Variants in AKAP19 observed in about 807,000 individuals in gnomAD.
AKAP19 encodes A-kinase anchoring protein 19, also known as small A-kinase anchoring protein.
chr2:189,967,017 G>A, the AKAP19 span, among the ~76,000 whole-genome samples: 3 of 152,190 alleles, frequency 2.0e-5, no homozygotes, highest in Admixed American at 6.6e-5. Context: ...AGTAATAGAA[G>A]TACCGATACA....
At chr2:189,966,118 A>G in the AKAP19 span, among the ~76,000 whole-genome samples, 2 of 151,810 alleles carry the variant, frequency 1.3e-5, no homozygotes, top group East Asian at 3.9e-4. Context: ...GTTCTTACTC[A>G]TACGTGGGAG....
chr2:189,892,347 T>A, the AKAP19 span, among the ~76,000 whole-genome samples: 1 of 152,040 alleles, frequency 6.6e-6, no homozygotes, highest in Non-Finnish European at 1.5e-5. Context: ...CTTTTTGCAC[T>A]GGGTTTTTCT....
the AKAP19 span, among the ~76,000 whole-genome samples, chr2:189,883,604 A>G: frequency 1.3e-5 from 2 of 149,612 alleles, no homozygotes; most frequent in Non-Finnish European, 3.0e-5. Context: ...CCTCTGAACT[A>G]GCTCACTTTT....
the AKAP19 span, among the ~76,000 whole-genome samples, chr2:190,042,550 G>T: frequency 6.6e-6 from 1 of 151,540 alleles, no homozygotes; most frequent in Non-Finnish European, 1.5e-5. Flanking sequence ...CTCGTCTTCT[G>T]CTAGCTTTGG....
At chr2:189,954,905 GTTTATC>G in the AKAP19 span, among the ~76,000 whole-genome samples, 1 of 152,040 alleles carries the variant, frequency 6.6e-6, no homozygotes, top group Non-Finnish European at 1.5e-5. Context: ...CCTCTAAAAA[GTTTATC>G]TTTAAACTAT....
the AKAP19 span, among the ~76,000 whole-genome samples, chr2:190,057,889 A>T: frequency 6.6e-6 from 1 of 152,024 alleles, no homozygotes; most frequent in Non-Finnish European, 1.5e-5. Context: ...TTATTTTTCC[A>T]AGTTTGAGTA....
At chr2:190,063,505 G>A in the AKAP19 span, among the ~76,000 whole-genome samples, 1 of 152,056 alleles carries the variant, frequency 6.6e-6, no homozygotes, top group Non-Finnish European at 1.5e-5. Context: ...AAAAATCTCT[G>A]AACATAGACT....
the AKAP19 span, among the ~76,000 whole-genome samples, chr2:189,928,133 G>A: frequency 6.6e-6 from 1 of 152,026 alleles, no homozygotes; most frequent in African/African-American, 2.4e-5. Context: ...AGAGTTACAG[G>A]CCTGTTATTT....
the AKAP19 span, among the ~76,000 whole-genome samples, chr2:189,990,246 T>C: frequency 6.6e-6 from 1 of 152,194 alleles, no homozygotes; most frequent in Non-Finnish European, 1.5e-5. Flanking sequence ...TCACATATGA[T>C]TTTACCCTTG....
the AKAP19 span, chr2:190,060,326 T>C: frequency 2.5e-6 from 4 of 1,612,852 alleles, no homozygotes; most frequent in Non-Finnish European, 3.4e-6. Context: ...TCTCGACGGG[T>C]CTCAAATATA....
chr2:189,982,231 T>C, the AKAP19 span, among the ~76,000 whole-genome samples: 1 of 151,784 alleles, frequency 6.6e-6, no homozygotes, highest in East Asian at 1.9e-4. Context: ...TTTATTTTAG[T>C]GTGGGTTAAT....
the AKAP19 span, among the ~76,000 whole-genome samples, chr2:190,019,033 A>G: frequency 6.6e-6 from 1 of 152,170 alleles, no homozygotes; most frequent in Non-Finnish European, 1.5e-5. Flanking sequence ...CGCTGTTTGC[A>G]TTCTGCAGTA....
chr2:190,065,727 T>A, the AKAP19 span, among the ~76,000 whole-genome samples: 2 of 152,232 alleles, frequency 1.3e-5, no homozygotes, highest in Non-Finnish European at 2.9e-5. Context: ...GTTCAATATT[T>A]GCTAACTCAG....
At chr2:190,194,645 T>C in the AKAP19 span, among the ~76,000 whole-genome samples, 1 of 152,196 alleles carries the variant, frequency 6.6e-6, no homozygotes, top group Admixed American at 6.5e-5. Context: ...TAGTATCATA[T>C]AGAATAGTTT....
the AKAP19 span, among the ~76,000 whole-genome samples, chr2:189,907,631 A>G: frequency 6.6e-6 from 1 of 152,176 alleles, no homozygotes; most frequent in Non-Finnish European, 1.5e-5. Flanking sequence ...GAATCCCCAG[A>G]AACCTCAACA....
the AKAP19 span, among the ~76,000 whole-genome samples, chr2:190,104,486 A>G: frequency 6.6e-6 from 1 of 152,212 alleles, no homozygotes. Flanking sequence ...GAATAGTTCA[A>G]TAAGCAAAAA....
chr2:189,895,557 C>T, the AKAP19 span, among the ~76,000 whole-genome samples: 1 of 152,168 alleles, frequency 6.6e-6, no homozygotes, highest in Admixed American at 6.5e-5. Context: ...TTATTTAGCT[C>T]TCTTTTTCTC....
chr2:190,012,108 C>A, the AKAP19 span, among the ~76,000 whole-genome samples: 2 of 152,022 alleles, frequency 1.3e-5, no homozygotes, highest in African/African-American at 4.8e-5. Context: ...CAATTTTTCT[C>A]ATCAAAGTTT....
chr2:190,107,407 T>TTCATAC, the AKAP19 span, among the ~76,000 whole-genome samples: 1 of 151,918 alleles, frequency 6.6e-6, no homozygotes, highest in African/African-American at 2.4e-5. Flanking sequence ...TTCATTCAAG[T>TTCATAC]TGTGATTCCA....
Sources: allele counts gnomAD v4.1 joint callset (sites outside exome capture counted in the v4.1 genomes callset), GRCh38; gene constraint gnomAD v4.1.1; transcripts MANE v1.5; gene names NCBI Gene and HGNC (gene_info 2026-07-23, HGNC 2026-07-21).